The following NT5DC1 variants were observed in gnomAD, a reference collection of about 807,000 sequenced individuals.
NT5DC1 encodes 5'-nucleotidase domain containing 1.
A neutral mutation model predicts 59.4 loss-of-function variants in NT5DC1; 42 were observed. The ratio of observed to expected loss-of-function variants is 0.71; its 90% CI spans 0.55 to 0.92. The LOEUF is 0.92. Ranked by LOEUF, NT5DC1 falls within the 40% of genes least tolerant of loss-of-function variation. The pLI, the probability that NT5DC1 is intolerant of heterozygous loss-of-function variation, is 0.00. For synonymous variants in NT5DC1, 172 were observed against 188.1 expected, an observed-to-expected ratio of 0.91 and a Z score of 0.70; for missense variants, 501 against 537.1, an observed-to-expected ratio of 0.93 and a Z score of 0.66.
intron 6 of NT5DC1, among the ~76,000 whole-genome samples, chr6:116,196,875 G>C (rs1235013583): frequency 6.6e-6 from 1 of 151,600 alleles, no homozygotes; most frequent in African/African-American, 2.4e-5. Context: ...AGGGAAAGCA[G>C]ATACTTCCTT....
At position 116,247,243 on chromosome 6, in the gene NT5DC1, C is replaced by G. The variant is rs1771867569; in HGVS notation, c.*3219C>G. 1 of 152,186 alleles carries G rather than the reference C, an allele frequency of 6.6e-6. No homozygotes were observed. Among genetic ancestry groups the G allele is most frequent in the Non-Finnish European group, 1.5e-5 (1 of 68,020 alleles). 9.4% of individuals were successfully genotyped at this position (152,186 alleles called of 1,614,324 possible). A position where few individuals can be genotyped will look rare whatever the true frequency, so the allele number is the denominator to read the frequency against. On this transcript the variant is annotated 3_prime_UTR_variant, in exon 12 of 12. Coordinates refer to ENST00000319550, the MANE Select transcript of NT5DC1 (RefSeq NM_152729.3). ...GGGATTAACATTGAAGACACAGCCTCTATCTTTAAGTAATTCATAATTTAG... is the reference window on the plus strand; with the variant it reads ...GGGATTAACATTGAAGACACAGCCTGTATCTTTAAGTAATTCATAATTTAG...
rs760220486 is a variant in NT5DC1, at chr6:116,121,828, C to A, written c.529+3883C>A. 13 of 1,613,778 alleles carry A rather than the reference C, an allele frequency of 8.1e-6. No homozygotes were observed. The highest frequency in any genetic ancestry group is 1.1e-5 in the Non-Finnish European group (13 of 1,179,960). ...CAGCTGATGGTCCCGGTGGTCCTGG[C>A]AACCCTGGCTCTCCTTGGAGTCCAG... On this transcript the variant is annotated intron_variant, in intron 6 of 11. Coordinates refer to ENST00000319550, the MANE Select transcript of NT5DC1 (RefSeq NM_152729.3).
At chr6:116,187,029 G>C (rs536402109) in intron 6 of NT5DC1, among the ~76,000 whole-genome samples, 8 of 152,100 alleles carry the variant, frequency 5.3e-5, no homozygotes, top group African/African-American at 1.9e-4. Flanking sequence ...AAGGGCTACC[G>C]TTCAGATTCT....
intron 6 of NT5DC1, among the ~76,000 whole-genome samples, chr6:116,202,575 T>A (rs1334518495): frequency 6.6e-6 from 1 of 152,022 alleles, no homozygotes; most frequent in African/African-American, 2.4e-5. Context: ...AATCTGTTAA[T>A]TTGATGCCTG....
chr6:116,161,457 G>T (rs1190539220), intron 6 of NT5DC1, among the ~76,000 whole-genome samples: 1 of 152,002 alleles, frequency 6.6e-6, no homozygotes, highest in Non-Finnish European at 1.5e-5. Flanking sequence ...TCTGTATATA[G>T]ATAGCCAGCT....
intron 6 of NT5DC1, among the ~76,000 whole-genome samples, chr6:116,140,847 C>T (rs1278387241): frequency 6.6e-6 from 1 of 152,070 alleles, no homozygotes; most frequent in Admixed American, 6.6e-5. Context: ...CTGTAGTTTA[C>T]AATGGTGTGA....
intron 6 of NT5DC1, chr6:116,120,407 G>A: frequency 6.2e-7 from 1 of 1,614,250 alleles, no homozygotes; most frequent in Non-Finnish European, 8.5e-7. Flanking sequence ...TTTATCAAAT[G>A]GTATGGGAGT....
At chr6:116,218,796 A>C (rs978717625) in intron 6 of NT5DC1, among the ~76,000 whole-genome samples, 2 of 151,902 alleles carry the variant, frequency 1.3e-5, no homozygotes, top group African/African-American at 2.4e-5. Flanking sequence ...ATTGCAAAAT[A>C]TTATTTCTTT....
intron 6 of NT5DC1, among the ~76,000 whole-genome samples, chr6:116,192,670 A>T (rs1419287826): frequency 6.6e-6 from 1 of 152,026 alleles, no homozygotes; most frequent in Non-Finnish European, 1.5e-5. Context: ...TTTGTAACTG[A>T]ATTTTGAGGT....
intron 6 of NT5DC1, among the ~76,000 whole-genome samples, chr6:116,168,688 T>C (rs577748120): frequency 2.0e-5 from 3 of 152,298 alleles, no homozygotes; most frequent in South Asian, 2.1e-4. Flanking sequence ...TTTTTATTGA[T>C]ACTAGCTATT....
At chr6:116,106,390 T>C in intron 2 of NT5DC1, 55 bp downstream of exon 2, 1 of 789,768 alleles carries the variant, frequency 1.3e-6, no homozygotes, top group Non-Finnish European at 2.2e-6. Flanking sequence ...GTGGTTCTAA[T>C]TGTTACTGAT....
At chr6:116,129,813 A>G (rs1342331151) in intron 6 of NT5DC1, among the ~76,000 whole-genome samples, 1 of 152,154 alleles carries the variant, frequency 6.6e-6, no homozygotes, top group Non-Finnish European at 1.5e-5. Context: ...CATCTGTCTC[A>G]TGCAATTTCC....
chr6:116,176,727 C>T (rs1780742656), intron 6 of NT5DC1, among the ~76,000 whole-genome samples: 1 of 152,088 alleles, frequency 6.6e-6, no homozygotes, highest in Admixed American at 6.6e-5. Context: ...CTGCTTAAGC[C>T]TTTTGTTTCA....
rs1378525162 is a variant in NT5DC1 at position 116,231,988 on chromosome 6, A to G, written c.803-4978A>G. 2.6e-5 allele frequency among the ~76,000 whole-genome samples: 4 copies of G among 152,310 alleles called. No individual in the cohort carries two copies. The East Asian group carries it at 5.8e-4, about 22-fold the overall frequency. On this transcript the variant is annotated intron_variant, in intron 8 of 11. Coordinates refer to ENST00000319550, the MANE Select transcript of NT5DC1 (RefSeq NM_152729.3). ...CTAGATAGCTTGAACGATGTATTTT[A>G]TTTCTTTGCAGTTCTGCAGGCTGTG...
In NT5DC1 at chr6:116,241,856, G is replaced by C. The variant is rs1197056266; in HGVS notation, c.1253-2053G>C. On this transcript the variant is annotated intron_variant, in intron 11 of 11. Transcript: ENST00000319550. ...GAGAATGGCATGAACCCGGGGGGCG[G>C]AGCTTGCAGTGAGCCGAGATCGCGC... Among the ~76,000 whole-genome samples, 3 of 144,354 alleles carry C rather than the reference G, an allele frequency of 2.1e-5. No individual in the cohort carries two copies. The East Asian group carries it at 6.2e-4, about 30-fold the overall frequency. The allele number at this position is 144,354 out of a possible 152,430, so 94.7% of individuals were successfully genotyped here. A position where few individuals can be genotyped will look rare whatever the true frequency, so the allele number is the denominator to read the frequency against.
At chr6:116,230,713 C>T (rs1415762447) in intron 8 of NT5DC1, among the ~76,000 whole-genome samples, 2 of 152,170 alleles carry the variant, frequency 1.3e-5, no homozygotes, top group Admixed American at 6.5e-5. Context: ...CTTTGCGATA[C>T]CTTCCTTCTG....
At chr6:116,114,574 A>G (rs1778931985) in intron 4 of NT5DC1, among the ~76,000 whole-genome samples, 1 of 149,964 alleles carries the variant, frequency 6.7e-6, no homozygotes, top group African/African-American at 2.5e-5. Context: ...ATAATGATGT[A>G]TTCAAGCACC....
intron 6 of NT5DC1, chr6:116,145,368 T>A: frequency 3.3e-6 from 1 of 301,812 alleles, no homozygotes; most frequent in Non-Finnish European, 7.5e-6. Flanking sequence ...AAATCAACAT[T>A]AAATTGATGG....
At chr6:116,118,691 C>G (rs1360541249) in intron 6 of NT5DC1, among the ~76,000 whole-genome samples, 1 of 152,160 alleles carries the variant, frequency 6.6e-6, no homozygotes, top group Non-Finnish European at 1.5e-5. Flanking sequence ...AATATTTGTT[C>G]AAACTGCATA....
Sources: allele counts gnomAD v4.1 joint callset (sites outside exome capture counted in the v4.1 genomes callset), GRCh38; gene constraint gnomAD v4.1.1; transcripts MANE v1.5; gene names NCBI Gene and HGNC (gene_info 2026-07-23, HGNC 2026-07-21).